The following ACTR3C variants were observed in gnomAD, a reference collection of about 807,000 sequenced individuals.
The protein encoded by ACTR3C is actin-related protein 3C.
ACTR3C carries 18 observed loss-of-function variants against 26.3 expected under a neutral mutation model. That is an observed-to-expected ratio of 0.68 (90% CI 0.47 to 1.01). ACTR3C has a LOEUF of 1.01. Ranked by LOEUF, ACTR3C falls within the 50% of genes least tolerant of loss-of-function variation. The probability of loss-of-function intolerance (pLI) is 0.00; values close to 1 mark genes in which losing one functional copy is unlikely to be tolerated. For missense variants in ACTR3C, 184 were observed against 250.7 expected, an observed-to-expected ratio of 0.73 and a Z score of 1.80; for synonymous variants, 55 against 94.5, an observed-to-expected ratio of 0.58 and a Z score of 2.42.
the ACTR3C span, among the ~76,000 whole-genome samples, chr7:150,112,740 A>C: frequency 1.3e-5 from 2 of 152,264 alleles, no homozygotes; most frequent in South Asian, 4.1e-4. Flanking sequence ...CCAGGGACAA[A>C]GGGTAATTAG....
chr7:149,905,824 C>T, the ACTR3C span, among the ~76,000 whole-genome samples: 155 of 152,300 alleles, frequency 1.0e-3, no homozygotes, highest in Middle Eastern at 0.01. Flanking sequence ...AACTCTCACA[C>T]ACTGCTGATG....
the ACTR3C span, among the ~76,000 whole-genome samples, chr7:150,173,030 A>G: frequency 2.0e-5 from 3 of 149,458 alleles, no homozygotes; most frequent in Non-Finnish European, 4.4e-5. Flanking sequence ...GAGTGTCTGC[A>G]GCTTTTCCAG....
the ACTR3C span, among the ~76,000 whole-genome samples, chr7:150,032,809 G>A: frequency 6.6e-6 from 1 of 151,772 alleles, no homozygotes; most frequent in African/African-American, 2.4e-5. Context: ...TTTTTTCTCT[G>A]TAGGTCGTCG....
the ACTR3C span, among the ~76,000 whole-genome samples, chr7:150,232,021 C>A: frequency 6.6e-6 from 1 of 152,150 alleles, no homozygotes; most frequent in East Asian, 1.9e-4. Flanking sequence ...GTTCCATCAG[C>A]TTTTGCATCA....
intron 6 of ACTR3C, among the ~76,000 whole-genome samples, chr7:150,249,737 G>A (rs1465418787): frequency 6.6e-6 from 1 of 152,188 alleles, no homozygotes; most frequent in Non-Finnish European, 1.5e-5. Flanking sequence ...TTACAGGTGT[G>A]AGCCACTGTG....
At chr7:150,057,266 G>T in the ACTR3C span, among the ~76,000 whole-genome samples, 1 of 143,894 alleles carries the variant, frequency 6.9e-6, no homozygotes, top group African/African-American at 2.6e-5. Context: ...TGAAAATCTT[G>T]GAATAGGTCC....
intron 6 of ACTR3C, among the ~76,000 whole-genome samples, chr7:150,281,775 C>T (rs1254953033): frequency 2.0e-5 from 3 of 151,986 alleles, no homozygotes; most frequent in Non-Finnish European, 4.4e-5. Context: ...ATGTCTACAA[C>T]AGGCTCTCTC....
At chr7:150,229,000 T>G in the ACTR3C span, among the ~76,000 whole-genome samples, 2 of 151,972 alleles carry the variant, frequency 1.3e-5, no homozygotes, top group East Asian at 3.9e-4. Flanking sequence ...CATATAATAC[T>G]ATATATACAT....
chr7:150,039,526 C>T, the ACTR3C span, among the ~76,000 whole-genome samples: 1 of 85,848 alleles, frequency 1.2e-5, no homozygotes, highest in Non-Finnish European at 2.6e-5. Flanking sequence ...GCCTCCCCCT[C>T]CTGCGATGGG....
the ACTR3C span, among the ~76,000 whole-genome samples, chr7:150,178,355 TC>T: frequency 6.8e-6 from 1 of 147,942 alleles, no homozygotes; most frequent in Non-Finnish European, 1.5e-5. Flanking sequence ...CGATCTCAGC[TC>T]ACTCCAACCT....
intron 6 of ACTR3C, among the ~76,000 whole-genome samples, chr7:150,263,111 G>T (rs1431815208): frequency 1.3e-5 from 2 of 152,052 alleles, no homozygotes; most frequent in Admixed American, 1.3e-4. Flanking sequence ...GAAGTCGGAA[G>T]AGATGAGCAC....
the ACTR3C span, among the ~76,000 whole-genome samples, chr7:150,109,243 T>G: frequency 6.6e-6 from 1 of 151,962 alleles, no homozygotes; most frequent in African/African-American, 2.4e-5. Context: ...GAATAGTTAC[T>G]AAAAACCTAC....
chr7:149,979,306 G>A, the ACTR3C span, among the ~76,000 whole-genome samples: 2 of 152,222 alleles, frequency 1.3e-5, no homozygotes, highest in African/African-American at 2.4e-5. Context: ...AGAGTGGGGA[G>A]AGAAAGAAAT....
At chr7:150,300,011 C>T (rs1182035719) in intron 1 of ACTR3C, among the ~76,000 whole-genome samples, 2 of 151,528 alleles carry the variant, frequency 1.3e-5, no homozygotes, top group East Asian at 3.9e-4. Context: ...ATTCAAAAAT[C>T]CAAGGTGTGC....
chr7:150,134,146 A>T, the ACTR3C span, among the ~76,000 whole-genome samples: 39,011 of 146,872 alleles, frequency 0.27, 5,137 homozygotes, highest in Admixed American at 0.33. Context: ...AGCCAACACA[A>T]GTATACATAT....
At chr7:149,892,948 T>C in the ACTR3C span, among the ~76,000 whole-genome samples, 3 of 151,548 alleles carry the variant, frequency 2.0e-5, no homozygotes, top group Admixed American at 6.6e-5. Context: ...AAAAGTACCA[T>C]AATCAAATAA....
the ACTR3C span, among the ~76,000 whole-genome samples, chr7:150,211,458 T>C: frequency 6.6e-6 from 1 of 151,660 alleles, no homozygotes; most frequent in East Asian, 1.9e-4. Flanking sequence ...ATTTTTGTAT[T>C]TTAGTAGAGA....
At chr7:150,093,901 T>C in the ACTR3C span, among the ~76,000 whole-genome samples, 1 of 150,894 alleles carries the variant, frequency 6.6e-6, no homozygotes, top group African/African-American at 2.5e-5. Context: ...ATCGAGGGCT[T>C]CCTGCGTGCA....
chr7:149,906,882 A>G, the ACTR3C span, among the ~76,000 whole-genome samples: 1 of 29,946 alleles, frequency 3.3e-5, no homozygotes, highest in Non-Finnish European at 6.7e-5. Context: ...TACACCACAC[A>G]TTCTCTGATC....
Sources: allele counts gnomAD v4.1 joint callset (sites outside exome capture counted in the v4.1 genomes callset), GRCh38; gene constraint gnomAD v4.1.1; transcripts MANE v1.5; gene names NCBI Gene and HGNC (gene_info 2026-07-23, HGNC 2026-07-21).